PGAP4: variants seen among roughly 807,000 people sequenced by gnomAD.
The protein encoded by PGAP4 is post-GPI attachment to proteins GalNAc transferase 4, also known as GPI-N-acetylgalactosamine transferase PGAP4.
A neutral mutation model predicts 28.2 loss-of-function variants in PGAP4; 12 were observed. The observed-to-expected ratio is 0.42, with a 90% CI of 0.27 to 0.69. The LOEUF (loss-of-function observed/expected upper bound fraction) is 0.69. Ranked by LOEUF, PGAP4 falls within the 30% of genes least tolerant of loss-of-function variation. The probability of loss-of-function intolerance (pLI) is 0.22; values close to 1 mark genes in which losing one functional copy is unlikely to be tolerated. For missense variants in PGAP4, 425 were observed against 513.5 expected, an observed-to-expected ratio of 0.83 and a Z score of 1.67; for synonymous variants, 205 against 211.8, an observed-to-expected ratio of 0.97 and a Z score of 0.28.
chr9:101,530,580 T>C (rs957749479), intron 2 of PGAP4, among the ~76,000 whole-genome samples: 2 of 152,220 alleles, frequency 1.3e-5, no homozygotes, highest in African/African-American at 4.8e-5. Flanking sequence ...GGGATATTCC[T>C]TTTTCTCTTG....
upstream of PGAP4, among the ~76,000 whole-genome samples, chr9:101,488,593 A>T (rs1233741948): frequency 2.0e-5 from 3 of 152,212 alleles, no homozygotes; most frequent in East Asian, 5.8e-4. Context: ...AGCTTTCTAT[A>T]AATGGTTGGT....
intron 2 of PGAP4, among the ~76,000 whole-genome samples, chr9:101,497,082 A>G (rs984108302): frequency 6.6e-6 from 1 of 150,822 alleles, no homozygotes; most frequent in Non-Finnish European, 1.5e-5. Flanking sequence ...GATGAGAACT[A>G]TTTTATAATT....
At position 101,476,970 on chromosome 9, in the gene PGAP4, C is replaced by A. The variant is rs1177586291; in HGVS notation, c.123G>T (p.Leu41=). The A allele has an allele frequency of 6.3e-6, 10 of 1,596,146 alleles. No individual in the cohort carries two copies. Among genetic ancestry groups the A allele is most frequent in the African/African-American group, 1.4e-5 (1 of 69,534 alleles). ...TVVTFGLLAP[L]ACHRLLHSYF... ...AAGAGTGTAGAAGTCGGTGACAGGCCAGGGGGGCCAGCAGGCCAAACGTCA... is the reference window on the plus strand; with the variant it reads ...AAGAGTGTAGAAGTCGGTGACAGGCAAGGGGGGCCAGCAGGCCAAACGTCA... Residue 41 remains leucine (L), a synonymous_variant, in exon 2 of 2, where the codon CTG becomes CTT. Coordinates refer to ENST00000374848, the MANE Select transcript of PGAP4 (RefSeq NM_032342.3). The surrounding 1 kb of genome is among the most constrained non-coding windows in gnomAD (Gnocchi z 7.0).
rs16920437 is a variant in PGAP4 at position 101,501,929 on chromosome 9, C to T, written c.-164-12729G>A. Reference sequence around the variant, plus strand: ...CGATTGGAAAGGAAAGAACCAGCGTCGCCACCAGGCCCTGGGCTAAGTAGT... The same window carrying T: ...CGATTGGAAAGGAAAGAACCAGCGTTGCCACCAGGCCCTGGGCTAAGTAGT... On this transcript the variant is annotated intron_variant, in intron 2 of 3. Coordinates refer to the PGAP4 transcript ENST00000374851. 1,006 of 354,386 alleles carry T rather than the reference C, an allele frequency of 2.8e-3. 6 individuals carry two copies. Among genetic ancestry groups the T allele is most frequent in the African/African-American group, 0.019 (889 of 47,614 alleles). 22.0% of individuals were successfully genotyped at this position (354,386 alleles called of 1,614,324 possible). A position where few individuals can be genotyped will look rare whatever the true frequency, so the allele number is the denominator to read the frequency against.
At chr9:101,509,166 G>C (rs2118605955) in intron 2 of PGAP4, among the ~76,000 whole-genome samples, 1 of 152,284 alleles carries the variant, frequency 6.6e-6, no homozygotes, top group South Asian at 2.1e-4. Context: ...TGGTTGGGAA[G>C]TAATGCTCAG....
chr9:101,515,870 G>A (rs1588209372), intron 2 of PGAP4, among the ~76,000 whole-genome samples: 1 of 152,008 alleles, frequency 6.6e-6, no homozygotes, highest in Non-Finnish European at 1.5e-5. Context: ...GAGTTCTATT[G>A]CATAGTAGGG....
At chr9:101,488,525 G>C (rs953023638), upstream of PGAP4, among the ~76,000 whole-genome samples, 1 of 152,138 alleles carries the variant, frequency 6.6e-6, no homozygotes, top group African/African-American at 2.4e-5. Flanking sequence ...GGTTTGTTGA[G>C]AGGTTTACAT....
chr9:101,528,662 T>G (rs1827057246), intron 2 of PGAP4, among the ~76,000 whole-genome samples: 1 of 152,176 alleles, frequency 6.6e-6, no homozygotes, highest in African/African-American at 2.4e-5. Context: ...ACCTGGCTTC[T>G]GCTTTCCAAA....
Position 101,486,534 on chromosome 9 carries a change from G to T in PGAP4, c.-78+415C>A, listed in dbSNP as rs999569697. 2.6e-5 allele frequency among the ~76,000 whole-genome samples: 4 copies of T among 152,148 alleles called. No homozygotes were observed. Among genetic ancestry groups the T allele is most frequent in the African/African-American group, 9.7e-5 (4 of 41,438 alleles). On this transcript the variant is annotated intron_variant, in intron 1 of 1. Coordinates refer to ENST00000374848, the MANE Select transcript of PGAP4 (RefSeq NM_032342.3). The surrounding 1 kb of genome is among the most constrained non-coding windows in gnomAD (Gnocchi z 4.7). ...GCCATTAGGCGCCAGGCCCCTTGGCGCTTCGGCCCTGCTAGGCTCGGCGAG... is the reference window on the plus strand; with the variant it reads ...GCCATTAGGCGCCAGGCCCCTTGGCTCTTCGGCCCTGCTAGGCTCGGCGAG...
chr9:101,508,119 T>C (rs1242344187), intron 2 of PGAP4, among the ~76,000 whole-genome samples: 2 of 128,094 alleles, frequency 1.6e-5, no homozygotes, highest in Non-Finnish European at 3.2e-5. Context: ...CAAAATCCTT[T>C]TTGAGTGTTT....
At chr9:101,497,199 C>G (rs1429746623) in intron 2 of PGAP4, among the ~76,000 whole-genome samples, 1 of 151,148 alleles carries the variant, frequency 6.6e-6, no homozygotes, top group African/African-American at 2.4e-5. Flanking sequence ...ATTTTAAGTT[C>G]TATGAAAAGT....
intron 2 of PGAP4, among the ~76,000 whole-genome samples, chr9:101,518,283 G>T (rs760734434): frequency 7.8e-4 from 118 of 151,984 alleles, no homozygotes; most frequent in Non-Finnish European, 1.0e-3. Context: ...CCAGTCCATC[G>T]ATCTTTTTTC....
In PGAP4 at chr9:101,474,579, C is replaced by T. The variant is rs1348194823; in HGVS notation, c.*1302G>A. The stretch of plus-strand genomic sequence containing the variant: ...GGGTGAACGTGGGGATAGGTGAAAG[C>T]TGAGCTGCACATCCTTCAGAGGTCA... On this transcript the variant is annotated 3_prime_UTR_variant, in exon 2 of 2. Transcript: ENST00000374848. The T allele has an allele frequency of 1.3e-5, 2 of 152,148 alleles. No homozygotes were observed. The highest frequency in any genetic ancestry group is 3.9e-4 in the East Asian group (2 of 5,194). The allele number at this position is 152,148 out of a possible 1,614,324, so 9.4% of individuals were successfully genotyped here.
intron 2 of PGAP4, among the ~76,000 whole-genome samples, chr9:101,492,615 T>C (rs543851839): frequency 6.6e-6 from 1 of 152,260 alleles, no homozygotes; most frequent in Admixed American, 6.5e-5. Flanking sequence ...TTTTTTCTAG[T>C]AGGCAGTTTG....
chr9:101,490,839 G>T (rs1826680927), upstream of PGAP4, among the ~76,000 whole-genome samples: 1 of 152,164 alleles, frequency 6.6e-6, no homozygotes, highest in Non-Finnish European at 1.5e-5. Flanking sequence ...TATCTCTGTA[G>T]TAAGTTTTTT....
chr9:101,480,738 C>T lies in PGAP4; in HGVS notation c.-77-3569G>A, dbSNP rs532955183. 1.3e-5 allele frequency: 2 copies of T among 152,352 alleles called. 1 individual carries two copies. Among genetic ancestry groups the T allele is most frequent in the South Asian group, 4.1e-4 (2 of 4,828 alleles). The allele number at this position is 152,352 out of a possible 1,614,324, so 9.4% of individuals were successfully genotyped here. On this transcript the variant is annotated intron_variant, in intron 1 of 1. Transcript: ENST00000374848. ...GATGACTGCTTTGCTGAAAATCCAA[C>T]CACATGGAGTTATGTAGTCATTCAG...
chr9:101,522,520 A>G (rs1047426705), intron 2 of PGAP4, among the ~76,000 whole-genome samples: 3 of 152,188 alleles, frequency 2.0e-5, no homozygotes, highest in Non-Finnish European at 4.4e-5. Flanking sequence ...TTTGTCTGAT[A>G]TAAGAATAGC....
intron 2 of PGAP4, among the ~76,000 whole-genome samples, chr9:101,495,395 A>G (rs1198808809): frequency 5.9e-5 from 8 of 135,298 alleles, no homozygotes; most frequent in Non-Finnish European, 1.3e-4. Flanking sequence ...ATATGTGCTT[A>G]TATTTTATAT....
intron 2 of PGAP4, among the ~76,000 whole-genome samples, chr9:101,502,389 G>A (rs897630512): frequency 5.3e-5 from 8 of 152,050 alleles, no homozygotes; most frequent in Admixed American, 4.6e-4. Flanking sequence ...AGTTCTCATG[G>A]AGATAATTTC....
Sources: gnomAD v4.1 joint callset for allele counts (sites outside exome capture counted in the v4.1 genomes callset) on GRCh38, gnomAD v4.1.1 for gene constraint, Gnocchi (gnomAD v3.1) non-coding constraint, MANE v1.5 for transcripts, NCBI Gene and HGNC (gene_info 2026-07-23, HGNC 2026-07-21) for gene names.